Variants in GDA observed in about 807,000 individuals in gnomAD.
GDA encodes cytoplasmic PSD-95 interactor.
A neutral mutation model predicts 59.6 loss-of-function variants in GDA; 18 were observed. That is an observed-to-expected ratio of 0.30 (90% confidence interval 0.21 to 0.45). GDA has a LOEUF of 0.45. GDA is among the 20% of genes least tolerant of loss of function. The pLI is 1.00. For synonymous variants in GDA, 201 were observed against 201.1 expected (o/e 1.00, Z 0.00); for missense variants, 427 against 552.3 (o/e 0.77, Z 2.27).
intron 12 of GDA, among the ~76,000 whole-genome samples, chr9:72,246,064 AT>A (rs1189565039): frequency 2.0e-5 from 3 of 152,184 alleles, no homozygotes; most frequent in African/African-American, 7.2e-5. Flanking sequence ...GGAAAAATAT[AT>A]TTTTCTCTAC....
intron 1 of GDA, among the ~76,000 whole-genome samples, chr9:72,190,884 A>G (rs544633816): frequency 6.6e-6 from 1 of 152,228 alleles, no homozygotes; most frequent in South Asian, 2.1e-4. Flanking sequence ...TTTTTCATCC[A>G]GTTTGATAAT....
At chr9:72,150,682 T>C (rs937255157) in intron 1 of GDA, among the ~76,000 whole-genome samples, 1 of 152,252 alleles carries the variant, frequency 6.6e-6, no homozygotes, top group Non-Finnish European at 1.5e-5. Context: ...TTGAAGATAC[T>C]ATTCTTGACT....
At chr9:72,119,036 A>C (rs1278856499) in intron 1 of GDA, among the ~76,000 whole-genome samples, 2 of 152,214 alleles carry the variant, frequency 1.3e-5, no homozygotes, top group African/African-American at 4.8e-5. Context: ...TAAAAAAGAA[A>C]ACATAGTCTT....
At chr9:72,137,978 G>T (rs1826303516) in intron 1 of GDA, among the ~76,000 whole-genome samples, 1 of 152,242 alleles carries the variant, frequency 6.6e-6, no homozygotes, top group Admixed American at 6.5e-5. Context: ...AGTTTTTAAG[G>T]ATTCAGGGTG....
rs763417568 is a variant in GDA at position 72,142,522 on chromosome 9, G to A, written c.-100+27689G>A. ...CGGGAGGCAGAGCTTGCAGTGAGCC[G>A]AGATCGTGCCACTGAACTCCAGCCT... On this transcript the variant is annotated intron_variant, in intron 1 of 13. Coordinates refer to the GDA transcript ENST00000545168. Among the ~76,000 whole-genome samples the A allele has an allele frequency of 1.3e-3, 197 of 150,964 alleles. 3 individuals are homozygous for A. Among genetic ancestry groups the A allele is most frequent in the Non-Finnish European group, 1.9e-3 (131 of 67,788 alleles).
chr9:72,257,933 A>G (rs1840904562), downstream of GDA: 1 of 121,522 alleles, frequency 8.2e-6, no homozygotes. Context: ...CCTAGTCTCG[A>G]AAAAAAAAAA....
At chr9:72,144,558 A>G (rs73647200), upstream of GDA, among the ~76,000 whole-genome samples, 1,068 of 152,336 alleles carry the variant, frequency 7.0e-3, 12 homozygotes, top group African/African-American at 0.024. Flanking sequence ...TAGATGTCCA[A>G]TAAATATTTG....
chr9:72,148,867 T>C (rs1826816324), upstream of GDA, among the ~76,000 whole-genome samples: 1 of 152,152 alleles, frequency 6.6e-6, no homozygotes, highest in African/African-American at 2.4e-5. Context: ...GATTCATTCA[T>C]TTTACACGAG....
intron 5 of GDA, among the ~76,000 whole-genome samples, chr9:72,217,340 A>G (rs994062831): frequency 6.6e-6 from 1 of 152,192 alleles, no homozygotes; most frequent in Non-Finnish European, 1.5e-5. Context: ...CCTGTGGTAC[A>G]GTAGTGCTTC....
At chr9:72,201,457 C>A (rs1218875532) in intron 2 of GDA, among the ~76,000 whole-genome samples, 1 of 152,130 alleles carries the variant, frequency 6.6e-6, no homozygotes, top group Non-Finnish European at 1.5e-5. Flanking sequence ...TTCTTGTAGT[C>A]AGACAAGATC....
At chr9:72,253,777 A>G (rs914563395), downstream of GDA, among the ~76,000 whole-genome samples, 9 of 152,186 alleles carry the variant, frequency 5.9e-5, no homozygotes, top group African/African-American at 1.7e-4. Context: ...GACACTGGGT[A>G]TTACAACAGA....
At chr9:72,220,849 T>C (rs376622689) in intron 6 of GDA, among the ~76,000 whole-genome samples, 191 of 152,256 alleles carry the variant, frequency 1.3e-3, no homozygotes, top group African/African-American at 4.4e-3. Context: ...CCTGCAGGCA[T>C]GCAGCAGGCA....
chr9:72,252,783 T>G (rs1407615776), downstream of GDA, among the ~76,000 whole-genome samples: 1 of 152,190 alleles, frequency 6.6e-6, no homozygotes, highest in Non-Finnish European at 1.5e-5. Flanking sequence ...GCCATTGCCT[T>G]GCTGGGTGGC....
chr9:72,224,340 T>C (rs1837280361), intron 7 of GDA, among the ~76,000 whole-genome samples: 1 of 152,240 alleles, frequency 6.6e-6, no homozygotes, highest in Non-Finnish European at 1.5e-5. Context: ...TGGGACTTCC[T>C]CAAGGCCAGG....
At chr9:72,177,065 T>G (rs759321426) in intron 1 of GDA, among the ~76,000 whole-genome samples, 3 of 151,140 alleles carry the variant, frequency 2.0e-5, no homozygotes, top group Non-Finnish European at 4.4e-5. Flanking sequence ...GGAAAAATGA[T>G]GATCATTCTG....
intron 1 of GDA, among the ~76,000 whole-genome samples, chr9:72,178,618 A>G (rs1199858751): frequency 6.6e-6 from 1 of 151,946 alleles, no homozygotes; most frequent in African/African-American, 2.4e-5. Flanking sequence ...GGGTTTCACC[A>G]TGTTGGTCAG....
Position 72,218,402 on chromosome 9 carries a change from C to G in GDA, c.579-1077C>G, listed in dbSNP as rs376569558. The stretch of plus-strand genomic sequence containing the variant: ...AGCAGAGGGGCTGCTTACATGCTCA[C>G]AGAGAGGAGGAAGTACCCGCCTTCC... On this transcript the variant is annotated intron_variant, in intron 5 of 13. Transcript: ENST00000358399. Among the ~76,000 whole-genome samples, 91 of 152,318 alleles carry G rather than the reference C, an allele frequency of 6.0e-4. 2 individuals carry two copies. In the South Asian group the frequency reaches 0.018, roughly 31 times the overall value.
upstream of GDA, among the ~76,000 whole-genome samples, chr9:72,147,752 C>A (rs1826719120): frequency 6.6e-6 from 1 of 152,046 alleles, no homozygotes. Context: ...TTTTCTTCAC[C>A]TTTCTGTCTG....
rs1826867664 is a variant in GDA at position 72,149,483 on chromosome 9, C to T, written c.-77C>T. The T allele has an allele frequency of 6.4e-7, 1 of 1,555,584 alleles. No homozygotes were observed. Among genetic ancestry groups the T allele is most frequent in the Non-Finnish European group, 8.7e-7 (1 of 1,148,904 alleles). On this transcript the variant is annotated 5_prime_UTR_variant, in exon 1 of 14. Transcript: ENST00000358399. Reference sequence around the variant, plus strand: ...GTGTCCGCCCGGCAGCCGCCCGCAGCTGCAGAGAGTCCCGCTGCGTCTCCG... The same window carrying T: ...GTGTCCGCCCGGCAGCCGCCCGCAGTTGCAGAGAGTCCCGCTGCGTCTCCG...
Sources: allele counts gnomAD v4.1 joint callset (sites outside exome capture counted in the v4.1 genomes callset), GRCh38; gene constraint gnomAD v4.1.1; transcripts MANE v1.5; gene names NCBI Gene and HGNC (gene_info 2026-07-23, HGNC 2026-07-21).